DOK6: variants seen among roughly 807,000 people sequenced by gnomAD.
DOK6 encodes the protein docking protein 6, also known as downstream of tyrosine kinase 6.
In DOK6, 22 loss-of-function variants were observed where a neutral mutation model predicts 44.0. The ratio of observed to expected loss-of-function variants is 0.50; its 90% CI spans 0.36 to 0.71. The LOEUF (loss-of-function observed/expected upper bound fraction) is 0.71, where lower values mean the gene tolerates loss of function less well. Ranked by LOEUF, DOK6 falls within the 30% of genes least tolerant of loss-of-function variation. DOK6 has a pLI of 0.00. For missense variants in DOK6, 340 were observed against 416.4 expected, an observed-to-expected ratio of 0.82 and a Z score of 1.60; for synonymous variants, 166 against 145.5, an observed-to-expected ratio of 1.14 and a Z score of -1.01.
chr18:69,439,590 T>C (rs1039488760), intron 1 of DOK6, among the ~76,000 whole-genome samples: 1 of 152,220 alleles, frequency 6.6e-6, no homozygotes, highest in African/African-American at 2.4e-5. Context: ...GCTTCACCTT[T>C]CACTTTTGTG....
At chr18:69,559,632 T>A (rs1175043679) in intron 1 of DOK6, among the ~76,000 whole-genome samples, 1 of 152,114 alleles carries the variant, frequency 6.6e-6, no homozygotes, top group East Asian at 1.9e-4. Context: ...CTGCTAGTTT[T>A]AAAAAAATAT....
chr18:69,545,192 C>T (rs1982372116), intron 1 of DOK6, among the ~76,000 whole-genome samples: 1 of 150,670 alleles, frequency 6.6e-6, no homozygotes, highest in South Asian at 2.1e-4. Flanking sequence ...AAACAAAGGA[C>T]TATTTATTCC....
At chr18:69,542,345 A>T (rs1982291764) in intron 1 of DOK6, among the ~76,000 whole-genome samples, 1 of 151,444 alleles carries the variant, frequency 6.6e-6, no homozygotes, top group Non-Finnish European at 1.5e-5. Flanking sequence ...TGTGGCTTAA[A>T]CTATGTTAAT....
At chr18:69,824,219 C>G (rs1298239195) in intron 7 of DOK6, among the ~76,000 whole-genome samples, 1 of 144,160 alleles carries the variant, frequency 6.9e-6, no homozygotes, top group Non-Finnish European at 1.5e-5. Context: ...CAACAGGCCC[C>G]GGTGTGTGAT....
intron 3 of DOK6, among the ~76,000 whole-genome samples, chr18:69,640,005 T>C (rs1447883985): frequency 6.6e-6 from 1 of 152,178 alleles, no homozygotes; most frequent in East Asian, 1.9e-4. Context: ...CACCTTGAGC[T>C]AAGTCCCCTT....
chr18:69,455,461 A>G (rs76017943), intron 1 of DOK6, among the ~76,000 whole-genome samples: 2,441 of 152,332 alleles, frequency 0.016, 39 homozygotes, highest in Non-Finnish European at 0.026. Context: ...TAAAGTGAAC[A>G]TTGACTCAAC....
chr18:69,747,407 T>C (rs907226900), intron 6 of DOK6, among the ~76,000 whole-genome samples: 5 of 152,172 alleles, frequency 3.3e-5, no homozygotes, highest in African/African-American at 1.2e-4. Flanking sequence ...GGAAAAAATT[T>C]CAGAGACAGT....
chr18:69,592,108 A>T (rs1983635495), intron 2 of DOK6, among the ~76,000 whole-genome samples: 1 of 152,064 alleles, frequency 6.6e-6, no homozygotes, highest in Admixed American at 6.6e-5. Flanking sequence ...TTTTAAACAC[A>T]TAATAAAAAT....
chr18:69,566,752 G>C (rs1311572256), intron 2 of DOK6, among the ~76,000 whole-genome samples: 1 of 152,240 alleles, frequency 6.6e-6, no homozygotes, highest in Non-Finnish European at 1.5e-5. Flanking sequence ...AGTATTTATA[G>C]ATTGCTGAAG....
intron 2 of DOK6, among the ~76,000 whole-genome samples, chr18:69,592,044 G>T (rs1983633665): frequency 6.6e-6 from 1 of 151,880 alleles, no homozygotes; most frequent in Non-Finnish European, 1.5e-5. Flanking sequence ...TACTATTTGG[G>T]AATTATTTTC....
At chr18:69,654,361 A>T (rs1169239989) in intron 3 of DOK6, among the ~76,000 whole-genome samples, 2 of 152,174 alleles carry the variant, frequency 1.3e-5, no homozygotes, top group Admixed American at 1.3e-4. Flanking sequence ...TGTGTACTTG[A>T]ACAGGGACAC....
At chr18:69,434,954 G>A (rs11664379) in intron 1 of DOK6, among the ~76,000 whole-genome samples, 10,311 of 62,544 alleles carry the variant, frequency 0.16, 1,495 homozygotes, top group East Asian at 0.52. Flanking sequence ...GAGGGAGGGA[G>A]GGAAGGAAGG....
In DOK6 at chr18:69,593,515, A is replaced by T. The variant is rs116102421; in HGVS notation, c.175-5869A>T. ...GTTGATCAACAATGAAAAACCTTGC[A>T]TTATTCTAAAAACTACTGTAACAAT... On this transcript the variant is annotated intron_variant, in intron 2 of 7. Transcript: ENST00000382713. Among the ~76,000 whole-genome samples the T allele has an allele frequency of 5.2e-3, 786 of 152,342 alleles. 12 individuals are homozygous for T. The highest frequency in any genetic ancestry group is 0.018 in the African/African-American group (761 of 41,586).
intron 1 of DOK6, among the ~76,000 whole-genome samples, chr18:69,483,211 C>T (rs913388413): frequency 1.3e-5 from 2 of 151,828 alleles, no homozygotes; most frequent in African/African-American, 4.8e-5. Context: ...CTGCATGAAC[C>T]TATATCTAGA....
intron 3 of DOK6, among the ~76,000 whole-genome samples, chr18:69,639,715 G>A (rs907763145): frequency 6.6e-6 from 1 of 152,106 alleles, no homozygotes; most frequent in Non-Finnish European, 1.5e-5. Flanking sequence ...AAGGAAAGAA[G>A]AAAGAGTGGG....
intron 1 of DOK6, among the ~76,000 whole-genome samples, 187 bp from the exon 2 acceptor site, chr18:69,564,300 T>A (rs1016667955): frequency 2.0e-5 from 3 of 152,186 alleles, no homozygotes; most frequent in Non-Finnish European, 4.4e-5. Context: ...CGAAATCTTT[T>A]CACAAAAAAT....
intron 4 of DOK6, among the ~76,000 whole-genome samples, chr18:69,695,801 T>C (rs1351134039): frequency 1.3e-5 from 2 of 152,206 alleles, no homozygotes; most frequent in South Asian, 2.1e-4. Flanking sequence ...ATAAATATAA[T>C]CTTAGCATAA....
rs1437034724 is a variant in DOK6, at chr18:69,847,747, T to G, written c.*6364T>G. 7.7e-6 allele frequency: 1 copy of G among 129,414 alleles called. No individual in the cohort carries two copies. 8.0% of individuals were successfully genotyped at this position (129,414 alleles called of 1,614,324 possible). A position where few individuals can be genotyped will look rare whatever the true frequency, so the allele number is the denominator to read the frequency against. Reference sequence around the variant, plus strand: ...CATGTATAGTGCATAGTTCAAGAAATAATGCTTACTCTTGTAAAAAAAAAA... The same window carrying G: ...CATGTATAGTGCATAGTTCAAGAAAGAATGCTTACTCTTGTAAAAAAAAAA... On this transcript the variant is annotated 3_prime_UTR_variant, in exon 8 of 8. Coordinates refer to ENST00000382713, the MANE Select transcript of DOK6 (RefSeq NM_152721.6).
chr18:69,770,976 G>C (rs1261141642), intron 7 of DOK6, among the ~76,000 whole-genome samples: 1 of 151,984 alleles, frequency 6.6e-6, no homozygotes, highest in Non-Finnish European at 1.5e-5. Context: ...TCTTAGACAA[G>C]CTTTATTTCC....
Sources: allele counts gnomAD v4.1 joint callset (sites outside exome capture counted in the v4.1 genomes callset), GRCh38; gene constraint gnomAD v4.1.1; transcripts MANE v1.5; gene names NCBI Gene and HGNC (gene_info 2026-07-23, HGNC 2026-07-21).